The following CDK3 variants were observed in gnomAD, a reference collection of about 807,000 sequenced individuals.
CDK3 encodes the protein cyclin-dependent kinase 3.
CDK3 carries 24 observed loss-of-function variants against 30.2 expected under a neutral mutation model. The ratio of observed to expected loss-of-function variants is 0.79; its 90% CI spans 0.57 to 1.12. The LOEUF is 1.12. CDK3 is among the 50% of genes most tolerant of loss of function. CDK3 has a pLI of 0.00. For synonymous variants in CDK3, 158 were observed against 154.2 expected (o/e 1.02, Z -0.18); for missense variants, 345 against 376.0 (o/e 0.92, Z 0.68).
chr17:76,000,898 C>G lies in CDK3; in HGVS notation c.-84C>G. The G allele has an allele frequency of 9.5e-7, 1 of 1,056,038 alleles. No individual in the cohort carries two copies. The highest frequency in any genetic ancestry group is 3.0e-5 in the South Asian group (1 of 33,346). The allele number at this position is 1,056,038 out of a possible 1,614,324, so 65.4% of individuals were successfully genotyped here. A position where few individuals can be genotyped will look rare whatever the true frequency, so the allele number is the denominator to read the frequency against. On this transcript the variant is annotated 5_prime_UTR_variant, in exon 1 of 8. Coordinates refer to ENST00000448471, the MANE Select transcript of CDK3 (RefSeq NM_001258.4). The surrounding 1 kb of genome is among the most constrained non-coding windows in gnomAD (Gnocchi z 5.9). Reference sequence around the variant, plus strand: ...ACCTCTGCCCCCAGTGGCCCTGGCCCCTGGGCAGCCCTTCCTGGCCGCCAT... The same window carrying G: ...ACCTCTGCCCCCAGTGGCCCTGGCCGCTGGGCAGCCCTTCCTGGCCGCCAT...
Position 76,002,464 on chromosome 17 carries a change from C to T in CDK3, c.486+46C>T, listed in dbSNP as rs771130789. 7 of 1,599,926 alleles carry T rather than the reference C, an allele frequency of 4.4e-6. No homozygotes were observed. In the Admixed American group the frequency reaches 1.0e-4, roughly 23 times the overall value. ...GAGAGGGGCAGCAGGAGGAGTGTCA[C>T]CCATGCACTCAGCCACCCTGAGTGA... On this transcript the variant is annotated intron_variant, in intron 5 of 7. Transcript: ENST00000448471. The surrounding 1 kb of genome is among the most constrained non-coding windows in gnomAD (Gnocchi z 4.3).
In CDK3 at chr17:76,001,707, CCGGGGCCCTGA is replaced by C; in HGVS notation, c.117-165_117-155del. 1 of 895,184 alleles carries C rather than the reference CCGGGGCCCTGA, an allele frequency of 1.1e-6. No homozygotes were observed. The highest frequency in any genetic ancestry group is 1.7e-5 in the African/African-American group (1 of 59,528). 55.5% of individuals were successfully genotyped at this position (895,184 alleles called of 1,614,324 possible). On this transcript the variant is annotated intron_variant, in intron 2 of 7. Transcript: ENST00000448471. The surrounding 1 kb of genome is among the most constrained non-coding windows in gnomAD (Gnocchi z 6.2). ...TTCACTGCCTTCTGACCAGCCTTTGCCGGGGCCCTGACTGTGGAGTTTGGTGGATGACGTGC... is the reference window on the plus strand; with the variant it reads ...TTCACTGCCTTCTGACCAGCCTTTGCCTGTGGAGTTTGGTGGATGACGTGC...
Position 76,005,249 on chromosome 17 carries a change from C to T in CDK3, c.793-49C>T. On this transcript the variant is annotated intron_variant, in intron 7 of 7. Coordinates refer to ENST00000448471, the MANE Select transcript of CDK3 (RefSeq NM_001258.4). The surrounding 1 kb of genome is among the most constrained non-coding windows in gnomAD (Gnocchi z 4.7). The stretch of plus-strand genomic sequence containing the variant: ...GGGACCTGGGAGGGGAATTTCTCAC[C>T]CCACCCTGGCTGCACCCAGACCACA... The T allele has an allele frequency of 6.3e-7, 1 of 1,588,822 alleles. No homozygotes were observed. The highest frequency in any genetic ancestry group is 8.6e-7 in the Non-Finnish European group (1 of 1,163,736).
chr17:76,003,475 ACTTT>A, intron 7 of CDK3, 77 bp downstream of exon 7: 1 of 1,225,344 alleles, frequency 8.2e-7, no homozygotes, highest in Non-Finnish European at 1.2e-6. Context: ...TAACCCTGGC[ACTTT>A]CTGAGTCCAA....
At position 76,002,531 on chromosome 17, in the gene CDK3, C is replaced by T. The variant is rs61747000; in HGVS notation, c.507C>T (p.Arg169=). The T allele has an allele frequency of 3.3e-4, 400 of 1,217,208 alleles. 1 individual carries two copies. The highest frequency in any genetic ancestry group is 2.2e-4 in the Admixed American group (13 of 59,518). The allele number at this position is 1,217,208 out of a possible 1,614,324, so 75.4% of individuals were successfully genotyped here. A position where few individuals can be genotyped will look rare whatever the true frequency, so the allele number is the denominator to read the frequency against. ...TGCAGGTGGTGACACTGTGGTATCGCGCCCCCGAGATTCTCTTGGGCAGCA... is the reference window on the plus strand; with the variant it reads ...TGCAGGTGGTGACACTGTGGTATCGTGCCCCCGAGATTCTCTTGGGCAGCA... ...YTHEVVTLWY[R]APEILLGSKF... The change falls in exon 6 of 8, where the codon CGC becomes CGT. Residue 169 remains arginine, a synonymous_variant. Coordinates refer to ENST00000448471, the MANE Select transcript of CDK3 (RefSeq NM_001258.4). The surrounding 1 kb of genome is among the most constrained non-coding windows in gnomAD (Gnocchi z 4.3).
In CDK3 at chr17:76,001,276, G is replaced by A; in HGVS notation, c.-14-136G>A. On this transcript the variant is annotated intron_variant, in intron 1 of 7. Coordinates refer to ENST00000448471, the MANE Select transcript of CDK3 (RefSeq NM_001258.4). The surrounding 1 kb of genome is among the most constrained non-coding windows in gnomAD (Gnocchi z 6.2). ...CCCAGGCAGGATGAGCTGGGGTTGG[G>A]GTGGCTAGGCCGTGGGCCTTGGGAG... 1.3e-6 allele frequency: 2 copies of A among 1,510,564 alleles called. No individual in the cohort carries two copies. Among genetic ancestry groups the A allele is most frequent in the East Asian group, 5.0e-5 (2 of 40,098 alleles). 93.6% of individuals were successfully genotyped at this position (1,510,564 alleles called of 1,614,324 possible).
chr17:76,002,276 T>C lies in CDK3; in HGVS notation c.344T>C (p.Val115Ala), dbSNP rs1598221758. 1 of 1,606,504 alleles carries C rather than the reference T, an allele frequency of 6.2e-7. No individual in the cohort carries two copies. Among genetic ancestry groups the C allele is most frequent in the Non-Finnish European group, 8.5e-7 (1 of 1,178,392 alleles). The change falls in exon 5 of 8, where the codon GTG becomes GCG. Residue 115 changes from valine to alanine, a missense_variant. Transcript: ENST00000448471. This position sits in a 1 kb window ranked among gnomAD's most constrained non-coding sequence, Gnocchi z 4.3. ...TACCTCTTCCAGCTGCTGCAGGGGG[T>C]GAGTTTCTGCCACTCACATCGGGTC... Reference protein sequence around the residue: ...KSYLFQLLQGVSFCHSHRVIH... With the variant: ...KSYLFQLLQGASFCHSHRVIH...
Position 76,001,637 on chromosome 17 carries a change from C to A in CDK3, c.116+96C>A, listed in dbSNP as rs960772229. On this transcript the variant is annotated intron_variant, in intron 2 of 7. Transcript: ENST00000448471. This position sits in a 1 kb window ranked among gnomAD's most constrained non-coding sequence, Gnocchi z 6.2. ...CCTCTTTCCTGGAGTCCACGTTTAA[C>A]TCCTCTGGGTGCTGCCCAGCAGCCC... 11 of 1,103,088 alleles carry A rather than the reference C, an allele frequency of 1.0e-5. No homozygotes were observed. The highest frequency in any genetic ancestry group is 9.6e-5 in the East Asian group (4 of 41,574). The allele number at this position is 1,103,088 out of a possible 1,614,324, so 68.3% of individuals were successfully genotyped here.
In CDK3 at chr17:76,001,233, C is replaced by G; in HGVS notation, c.-14-179C>G. 6.9e-7 allele frequency: 1 copy of G among 1,458,094 alleles called. No individual in the cohort carries two copies. The highest frequency in any genetic ancestry group is 9.0e-7 in the Non-Finnish European group (1 of 1,105,356). The allele number at this position is 1,458,094 out of a possible 1,614,324, so 90.3% of individuals were successfully genotyped here. A position where few individuals can be genotyped will look rare whatever the true frequency, so the allele number is the denominator to read the frequency against. On this transcript the variant is annotated intron_variant, in intron 1 of 7. Transcript: ENST00000448471. The surrounding 1 kb of genome is among the most constrained non-coding windows in gnomAD (Gnocchi z 6.2). ...GGCTGGGCTGGGTGAGGGGCGGTTT[C>G]CGACCCCCAGCCAGGTTCCCAGGCA... is the stretch of plus-strand genomic sequence containing the variant.
Position 76,005,154 on chromosome 17 carries a change from G to T in CDK3, c.793-144G>T. On this transcript the variant is annotated intron_variant, in intron 7 of 7. Coordinates refer to ENST00000448471, the MANE Select transcript of CDK3 (RefSeq NM_001258.4). The surrounding 1 kb of genome is among the most constrained non-coding windows in gnomAD (Gnocchi z 4.7). ...AGGAGTGTCCGGAACTGGCTGGAGAGCTGGGAGGTCATGGCTTCATGCGGT... is the reference window on the plus strand; with the variant it reads ...AGGAGTGTCCGGAACTGGCTGGAGATCTGGGAGGTCATGGCTTCATGCGGT... The T allele has an allele frequency of 1.1e-6, 1 of 952,244 alleles. No homozygotes were observed. The highest frequency in any genetic ancestry group is 1.5e-6 in the Non-Finnish European group (1 of 649,248). 59.0% of individuals were successfully genotyped at this position (952,244 alleles called of 1,614,324 possible). A position where few individuals can be genotyped will look rare whatever the true frequency, so the allele number is the denominator to read the frequency against.
Position 76,005,779 on chromosome 17 carries a change from C to T in CDK3, c.*356C>T, listed in dbSNP as rs1469695504. 1.5e-5 allele frequency: 3 copies of T among 206,802 alleles called. No individual in the cohort carries two copies. The highest frequency in any genetic ancestry group is 2.9e-5 in the Non-Finnish European group (3 of 102,880). The allele number at this position is 206,802 out of a possible 1,614,324, so 12.8% of individuals were successfully genotyped here. ...CCAGACCCTGAGGAAAGGGCGCCCC[C>T]TGCTGGTCTTTTTGGATTTAAAATG... On this transcript the variant is annotated 3_prime_UTR_variant, in exon 8 of 8. Transcript: ENST00000448471. The surrounding 1 kb of genome is among the most constrained non-coding windows in gnomAD (Gnocchi z 4.7).
chr17:76,002,681 AC>A lies in CDK3; in HGVS notation c.588+70del. 2.6e-6 allele frequency: 2 copies of A among 768,462 alleles called. No homozygotes were observed. The highest frequency in any genetic ancestry group is 4.8e-6 in the Non-Finnish European group (2 of 413,302). 47.6% of individuals were successfully genotyped at this position (768,462 alleles called of 1,614,324 possible). A position where few individuals can be genotyped will look rare whatever the true frequency, so the allele number is the denominator to read the frequency against. On this transcript the variant is annotated intron_variant, in intron 6 of 7. Coordinates refer to ENST00000448471, the MANE Select transcript of CDK3 (RefSeq NM_001258.4). This position sits in a 1 kb window ranked among gnomAD's most constrained non-coding sequence, Gnocchi z 4.3. ...GTCCTACTGGGGTTGGGTGGGGTCC[AC>A]TGATGCTCCCATTCGAGGCGGATTA...
chr17:76,001,066 T>C lies in CDK3; in HGVS notation c.-15+99T>C. The C allele has an allele frequency of 8.9e-7, 1 of 1,127,728 alleles. No individual in the cohort carries two copies. The highest frequency in any genetic ancestry group is 1.1e-6 in the Non-Finnish European group (1 of 910,834). The allele number at this position is 1,127,728 out of a possible 1,614,324, so 69.9% of individuals were successfully genotyped here. On this transcript the variant is annotated intron_variant, in intron 1 of 7. Coordinates refer to ENST00000448471, the MANE Select transcript of CDK3 (RefSeq NM_001258.4). This position sits in a 1 kb window ranked among gnomAD's most constrained non-coding sequence, Gnocchi z 6.2. Reference sequence around the variant, plus strand: ...GGGCGAGGGGTGGTCTCTGACTTCCTGGGGGTTCTGGCTGGGATGGGCAGG... The same window carrying C: ...GGGCGAGGGGTGGTCTCTGACTTCCCGGGGGTTCTGGCTGGGATGGGCAGG...
Position 76,002,696 on chromosome 17 carries a change from C to A in CDK3, c.588+84C>A, listed in dbSNP as rs531317436. 2.7e-6 allele frequency: 2 copies of A among 747,160 alleles called. No individual in the cohort carries two copies. Among genetic ancestry groups the A allele is most frequent in the Admixed American group, 1.8e-5 (1 of 54,550 alleles). The allele number at this position is 747,160 out of a possible 1,614,324, so 46.3% of individuals were successfully genotyped here. On this transcript the variant is annotated intron_variant, in intron 6 of 7. Coordinates refer to ENST00000448471, the MANE Select transcript of CDK3 (RefSeq NM_001258.4). This position sits in a 1 kb window ranked among gnomAD's most constrained non-coding sequence, Gnocchi z 4.3. The stretch of plus-strand genomic sequence containing the variant: ...GGTGGGGTCCACTGATGCTCCCATT[C>A]GAGGCGGATTAAAGAGTGTTTGGGG...
chr17:76,003,371 G>A lies in CDK3; in HGVS notation c.765G>A (p.Leu255=), dbSNP rs770877545. ...RKGLEEIVPN[L]EPEGRDLLMQ... ...GACTGGAAGAGATTGTGCCCAATCTGGAGCCAGAGGGCAGGGACCTGCTCA... is the reference window on the plus strand; with the variant it reads ...GACTGGAAGAGATTGTGCCCAATCTAGAGCCAGAGGGCAGGGACCTGCTCA... Residue 255 remains leucine, a synonymous_variant, in exon 7 of 8, where the codon CTG becomes CTA. Coordinates refer to ENST00000448471, the MANE Select transcript of CDK3 (RefSeq NM_001258.4). 19 of 1,613,570 alleles carry A rather than the reference G, an allele frequency of 1.2e-5. No homozygotes were observed. Among genetic ancestry groups the A allele is most frequent in the East Asian group, 1.1e-4 (5 of 44,898 alleles).
In CDK3 at chr17:76,001,912, T is replaced by C. The variant is rs1396827743; in HGVS notation, c.155T>C (p.Ile52Thr). 1 of 1,613,806 alleles carries C rather than the reference T, an allele frequency of 6.2e-7. No homozygotes were observed. The highest frequency in any genetic ancestry group is 1.1e-5 in the South Asian group (1 of 91,076). ...EGVPSTAIREISLLKELKHPN... is the reference protein window; with the variant it reads ...EGVPSTAIRETSLLKELKHPN... ...GTCCCAAGCACTGCCATCAGGGAGA[T>C]CTCGCTGCTCAAGGAACTGAAGCAC... Residue 52 changes from isoleucine (I) to threonine (T), a missense_variant, in exon 3 of 8, where the codon ATC (isoleucine) becomes ACC (threonine). Coordinates refer to ENST00000448471, the MANE Select transcript of CDK3 (RefSeq NM_001258.4). This position sits in a 1 kb window ranked among gnomAD's most constrained non-coding sequence, Gnocchi z 6.2.
Position 76,000,925 on chromosome 17 carries a change from T to C in CDK3, c.-57T>C. The C allele has an allele frequency of 9.4e-7, 1 of 1,061,020 alleles. No homozygotes were observed. The highest frequency in any genetic ancestry group is 2.9e-5 in the South Asian group (1 of 34,548). 65.7% of individuals were successfully genotyped at this position (1,061,020 alleles called of 1,614,324 possible). ...TGGGCAGCCCTTCCTGGCCGCCATG[T>C]GTACCCAGAGCCTGGGACTGGCTGG... is the stretch of plus-strand genomic sequence containing the variant. On this transcript the variant is annotated 5_prime_UTR_variant, in exon 1 of 8. Transcript: ENST00000448471. The surrounding 1 kb of genome is among the most constrained non-coding windows in gnomAD (Gnocchi z 5.9).
chr17:76,002,335 A>T lies in CDK3; in HGVS notation c.403A>T (p.Ile135Phe). 6.2e-7 allele frequency: 1 copy of T among 1,612,924 alleles called. No individual in the cohort carries two copies. Among genetic ancestry groups the T allele is most frequent in the South Asian group, 1.1e-5 (1 of 91,066 alleles). Residue 135 changes from isoleucine to phenylalanine, a missense_variant, in exon 5 of 8, where the codon ATC becomes TTC. Ile to Phe is a conservative substitution (Grantham distance 21). Coordinates refer to ENST00000448471, the MANE Select transcript of CDK3 (RefSeq NM_001258.4). The surrounding 1 kb of genome is among the most constrained non-coding windows in gnomAD (Gnocchi z 4.3). ...HRDLKPQNLL[I>F]NELGAIKLAD... ...AGACCTGAAGCCCCAGAACCTGCTC[A>T]TCAATGAGTTGGGTGCCATCAAGCT...
chr17:76,003,992 C>T (rs2066285602), intron 7 of CDK3, among the ~76,000 whole-genome samples: 1 of 151,986 alleles, frequency 6.6e-6, no homozygotes, highest in Non-Finnish European at 1.5e-5. Context: ...GATCTGCCCA[C>T]CTCGGCTTCC....
Sources: allele counts gnomAD v4.1 joint callset (sites outside exome capture counted in the v4.1 genomes callset), GRCh38; gene constraint gnomAD v4.1.1; non-coding constraint Gnocchi (gnomAD v3.1); transcripts MANE v1.5; gene names NCBI Gene and HGNC (gene_info 2026-07-23, HGNC 2026-07-21).